The following SLC6A19 variants were observed in gnomAD, a reference collection of about 807,000 sequenced individuals.
SLC6A19 encodes solute carrier family 6 member 19, also known as sodium-dependent neutral amino acid transporter B(0)AT1.
Under a neutral mutation model 68.3 loss-of-function variants are expected in SLC6A19, and 67 were observed. That is an observed-to-expected ratio of 0.98 (90% confidence interval 0.81 to 1.20). The LOEUF (loss-of-function observed/expected upper bound fraction) is 1.20, where lower values mean the gene tolerates loss of function less well. SLC6A19 is among the 50% of genes most tolerant of loss of function. The pLI is 0.00. For synonymous variants in SLC6A19, 392 were observed against 374.9 expected, an observed-to-expected ratio of 1.05 and a Z score of -0.53; for missense variants, 813 against 851.6, an observed-to-expected ratio of 0.95 and a Z score of 0.56.
Position 1,222,226 on chromosome 5 carries a change from G to T in SLC6A19, c.*322G>T, listed in dbSNP as rs934469916. On this transcript the variant is annotated 3_prime_UTR_variant, in exon 12 of 12. Transcript: ENST00000304460. ...GTACATGTATGGACATTGTGTGAGT[G>T]TGCAAGTGTGCATGCATATACATGT... is the stretch of plus-strand genomic sequence containing the variant. 5 of 583,794 alleles carry T rather than the reference G, an allele frequency of 8.6e-6. No homozygotes were observed. Among genetic ancestry groups the T allele is most frequent in the African/African-American group, 3.7e-5 (2 of 53,672 alleles). The allele number at this position is 583,794 out of a possible 1,614,324, so 36.2% of individuals were successfully genotyped here.
chr5:1,217,009 C>T, intron 8 of SLC6A19, 64 bp downstream of exon 8: 5 of 1,607,724 alleles, frequency 3.1e-6, no homozygotes, highest in Non-Finnish European at 4.2e-6. Context: ...CAGAGTCCGG[C>T]CACCCCTGGG....
Position 1,216,716 on chromosome 5 carries a change from T to C in SLC6A19, c.1016+30T>C, listed in dbSNP as rs755278986. On this transcript the variant is annotated intron_variant, in intron 7 of 11. Coordinates refer to ENST00000304460, the MANE Select transcript of SLC6A19 (RefSeq NM_001003841.3). ...GTGGCTGTCCCACCATCCTGGTGCCTTGGGCTGCGCCTCCAGGAAGCCTCC... is the reference window on the plus strand; with the variant it reads ...GTGGCTGTCCCACCATCCTGGTGCCCTGGGCTGCGCCTCCAGGAAGCCTCC... The C allele has an allele frequency of 1.9e-6, 3 of 1,613,652 alleles. No individual in the cohort carries two copies. The South Asian group carries it at 3.3e-5, about 18-fold the overall frequency.
At position 1,221,832 on chromosome 5, in the gene SLC6A19, G is replaced by A. The variant is rs1275559908; in HGVS notation, c.1833G>A (p.Gln611=). ...AIYKLIRNHC[Q]KPGDHQGLVS... is the part of the protein sequence containing the mutation. The stretch of plus-strand genomic sequence containing the variant: ...ACAAGCTCATCAGGAACCACTGCCA[G>A]AAGCCAGGGGACCATCAGGGGCTGG... Residue 611 remains glutamine, a synonymous_variant, in exon 12 of 12, where the codon CAG becomes CAA. Coordinates refer to ENST00000304460, the MANE Select transcript of SLC6A19 (RefSeq NM_001003841.3). The A allele has an allele frequency of 2.5e-6, 4 of 1,614,212 alleles. No homozygotes were observed. The highest frequency in any genetic ancestry group is 1.7e-5 in the Admixed American group (1 of 60,034).
intron 1 of SLC6A19, among the ~76,000 whole-genome samples, chr5:1,203,406 G>A (rs1447261975): frequency 6.6e-6 from 1 of 152,162 alleles, no homozygotes; most frequent in Non-Finnish European, 1.5e-5. Flanking sequence ...GGGTGGACAG[G>A]TGCGGGCAGC....
In SLC6A19 at chr5:1,214,504, C is replaced by T. The variant is rs1368464900; in HGVS notation, c.887+439C>T. Among the ~76,000 whole-genome samples the T allele has an allele frequency of 1.3e-5, 2 of 152,204 alleles. No individual in the cohort carries two copies. The highest frequency in any genetic ancestry group is 4.8e-5 in the African/African-American group (2 of 41,452). ...ACGTACCCACTGCGCTTCCCAATGCCCCTGGGAAGGATGCATACCCTGGAG... is the reference window on the plus strand; with the variant it reads ...ACGTACCCACTGCGCTTCCCAATGCTCCTGGGAAGGATGCATACCCTGGAG... On this transcript the variant is annotated intron_variant, in intron 6 of 11. Coordinates refer to ENST00000304460, the MANE Select transcript of SLC6A19 (RefSeq NM_001003841.3). This position sits in a 1 kb window ranked among gnomAD's most constrained non-coding sequence, Gnocchi z 7.4.
chr5:1,215,428 G>A lies in SLC6A19; in HGVS notation c.888-1130G>A, dbSNP rs373667832. On this transcript the variant is annotated intron_variant, in intron 6 of 11. Coordinates refer to ENST00000304460, the MANE Select transcript of SLC6A19 (RefSeq NM_001003841.3). This position sits in a 1 kb window ranked among gnomAD's most constrained non-coding sequence, Gnocchi z 5.1. ...CCCCAGTGCCCTGTCCTCCTGCCCC[G>A]GGTGAGCACTGATGCGCTCTCTGCC... Among the ~76,000 whole-genome samples the A allele has an allele frequency of 3.1e-4, 47 of 152,298 alleles. 1 individual carries two copies. The highest frequency in any genetic ancestry group is 1.7e-3 in the South Asian group (8 of 4,828).
intron 1 of SLC6A19, among the ~76,000 whole-genome samples, chr5:1,207,845 A>G (rs1210222739): frequency 1.3e-5 from 2 of 152,220 alleles, no homozygotes; most frequent in Admixed American, 1.3e-4. Context: ...AAGATTAAAT[A>G]GCATCATATT....
chr5:1,213,566 C>A lies in SLC6A19; in HGVS notation c.767C>A (p.Thr256Lys), dbSNP rs375879452. 1.5e-5 allele frequency: 24 copies of A among 1,611,848 alleles called. 1 individual carries two copies. Among genetic ancestry groups the A allele is most frequent in the Admixed American group, 5.0e-5 (3 of 59,920 alleles). The change falls in exon 5 of 12, where the codon ACG becomes AAG. Residue 256 changes from threonine to lysine, a missense_variant. Thr to Lys is a moderately conservative substitution (Grantham distance 78). Transcript: ENST00000304460. ...ACCAATGGCATCGTCTTCCTCTTCACGCCCAACGTAAGTCCCCGAGGCTGC... is the reference window on the plus strand; with the variant it reads ...ACCAATGGCATCGTCTTCCTCTTCAAGCCCAACGTAAGTCCCCGAGGCTGC... Reference protein sequence around the residue: ...GATNGIVFLFTPNVTELAQPD... With the variant: ...GATNGIVFLFKPNVTELAQPD...
chr5:1,213,536 G>T lies in SLC6A19; in HGVS notation c.737G>T (p.Gly246Val), dbSNP rs1746113472. ...IFLIRGLTLK[G>V]ATNGIVFLFT... ...CTCATCCGAGGCCTGACGCTGAAGGGCGCCACCAATGGCATCGTCTTCCTC... is the reference window on the plus strand; with the variant it reads ...CTCATCCGAGGCCTGACGCTGAAGGTCGCCACCAATGGCATCGTCTTCCTC... Residue 246 changes from glycine to valine, a missense_variant, in exon 5 of 12, where the codon GGC (glycine) becomes GTC (valine). Gly to Val is a moderately radical substitution (Grantham distance 109). Coordinates refer to ENST00000304460, the MANE Select transcript of SLC6A19 (RefSeq NM_001003841.3). 1 of 1,611,272 alleles carries T rather than the reference G, an allele frequency of 6.2e-7. No homozygotes were observed. Among genetic ancestry groups the T allele is most frequent in the Non-Finnish European group, 8.5e-7 (1 of 1,179,414 alleles).
intron 2 of SLC6A19, among the ~76,000 whole-genome samples, chr5:1,210,213 TGTGCAGGGCAGGC>T (rs1159586748): frequency 8.5e-4 from 56 of 65,802 alleles, no homozygotes; most frequent in African/African-American, 3.8e-3. Context: ...CGGGAAGGCG[TGTGCAGGGCAGGC>T]GTGTGCCAGG....
intron 3 of SLC6A19, among the ~76,000 whole-genome samples, chr5:1,210,949 C>T (rs963594326): frequency 6.6e-6 from 1 of 152,348 alleles, no homozygotes; most frequent in Non-Finnish European, 1.5e-5. Flanking sequence ...CGTTGCTCCG[C>T]ACAGGTGGGT....
chr5:1,208,570 C>T (rs984158481), intron 1 of SLC6A19, among the ~76,000 whole-genome samples, 176 bp from the exon 2 acceptor site: 6 of 152,208 alleles, frequency 3.9e-5, no homozygotes, highest in South Asian at 2.1e-4. Context: ...GCTTCTAGAA[C>T]GTGGAGTCAG....
intron 1 of SLC6A19, among the ~76,000 whole-genome samples, chr5:1,204,623 G>A (rs931653438): frequency 4.6e-5 from 7 of 152,156 alleles, no homozygotes; most frequent in Non-Finnish European, 8.8e-5. Context: ...GTGTGTCCCC[G>A]TCAGTGGCTG....
rs750183032 is a variant in SLC6A19, at chr5:1,216,628, G to A, written c.958G>A (p.Val320Met). ...NGFTSVYVAI[V>M]VYSVIGFRAT... is the part of the protein sequence containing the mutation. The stretch of plus-strand genomic sequence containing the variant: ...CTTCACATCGGTGTATGTGGCCATC[G>A]TGGTCTACTCCGTCATTGGGTTCCG... Residue 320 changes from valine to methionine, a missense_variant, in exon 7 of 12, where the codon GTG (valine) becomes ATG (methionine). Physicochemically the swap from Val to Met is conservative, Grantham distance 21. Transcript: ENST00000304460. The A allele has an allele frequency of 6.3e-5, 102 of 1,613,948 alleles. No homozygotes were observed. The highest frequency in any genetic ancestry group is 2.3e-4 in the Admixed American group (14 of 60,010).
intron 1 of SLC6A19, among the ~76,000 whole-genome samples, chr5:1,208,443 T>G (rs927687462): frequency 1.8e-4 from 28 of 152,026 alleles, no homozygotes; most frequent in African/African-American, 6.5e-4. Flanking sequence ...TGTGGTTGCA[T>G]GTTGGTCAGA....
At chr5:1,219,199 TGC>T (rs1269072528) in intron 9 of SLC6A19, 92 bp downstream of exon 9, 6 of 1,258,920 alleles carry the variant, frequency 4.8e-6, no homozygotes, top group Admixed American at 2.1e-5. Flanking sequence ...TCCCCGGCCG[TGC>T]GTGCAGCCCC....
intron 10 of SLC6A19, among the ~76,000 whole-genome samples, chr5:1,220,055 T>G (rs1333615791): frequency 6.6e-6 from 1 of 152,002 alleles, no homozygotes; most frequent in Non-Finnish European, 1.5e-5. Context: ...GCAGAGAGAC[T>G]CCAGCAGTGT....
At chr5:1,205,787 C>T (rs1371354563) in intron 1 of SLC6A19, among the ~76,000 whole-genome samples, 4 of 152,190 alleles carry the variant, frequency 2.6e-5, no homozygotes, top group African/African-American at 7.2e-5. Flanking sequence ...AGGAGTGAAT[C>T]TTTTCTTATT....
intron 10 of SLC6A19, among the ~76,000 whole-genome samples, 176 bp downstream of exon 10, chr5:1,219,840 G>A (rs1746320285): frequency 6.6e-6 from 1 of 152,200 alleles, no homozygotes; most frequent in Non-Finnish European, 1.5e-5. Context: ...GAGGGCATCA[G>A]CAGGGCCCTG....
Sources: gnomAD v4.1 joint callset for allele counts (sites outside exome capture counted in the v4.1 genomes callset) on GRCh38, gnomAD v4.1.1 for gene constraint, Gnocchi (gnomAD v3.1) non-coding constraint, MANE v1.5 for transcripts, NCBI Gene and HGNC (gene_info 2026-07-23, HGNC 2026-07-21) for gene names.